Variants in DOCK3 observed in about 807,000 individuals in gnomAD.
The protein encoded by DOCK3 is dedicator of cytokinesis protein 3.
In DOCK3, 60 loss-of-function variants were observed where a neutral mutation model predicts 265.6. The ratio of observed to expected loss-of-function variants is 0.23; its 90% confidence interval spans 0.18 to 0.28. The LOEUF (loss-of-function observed/expected upper bound fraction) is 0.28, where lower values mean the gene tolerates loss of function less well. DOCK3 is among the 10% of genes least tolerant of loss of function. The pLI, the probability that DOCK3 is intolerant of heterozygous loss-of-function variation, is 1.00. For missense variants in DOCK3, 1,981 were observed against 2,594.3 expected, an observed-to-expected ratio of 0.76 and a Z score of 5.14; for synonymous variants, 881 against 938.0, an observed-to-expected ratio of 0.94 and a Z score of 1.11.
intron 1 of DOCK3, among the ~76,000 whole-genome samples, chr3:50,682,702 G>A (rs1375888222): frequency 2.6e-5 from 4 of 152,206 alleles, no homozygotes; most frequent in African/African-American, 4.8e-5. Flanking sequence ...ACTTTGGGAG[G>A]CCTAGGTGGG....
chr3:51,347,279 A>G (rs2085652064), intron 38 of DOCK3, among the ~76,000 whole-genome samples: 1 of 152,180 alleles, frequency 6.6e-6, no homozygotes, highest in African/African-American at 2.4e-5. Flanking sequence ...TTAGGCTAAC[A>G]TTTAAGTCTT....
chr3:50,678,070 ATT>A (rs755279456), intron 1 of DOCK3, among the ~76,000 whole-genome samples: 1 of 143,678 alleles, frequency 7.0e-6, no homozygotes, highest in African/African-American at 2.5e-5. Flanking sequence ...AAGGTTGTTA[ATT>A]TTTTTTTTTT....
chr3:51,089,949 C>T (rs7615291), intron 8 of DOCK3, among the ~76,000 whole-genome samples: 133,591 of 148,156 alleles, frequency 0.9, 60,367 homozygotes, highest in African/African-American at 0.95. Flanking sequence ...TCCTGGAGAA[C>T]TAAGATATTT....
chr3:50,785,365 G>A (rs1237405198), intron 2 of DOCK3, among the ~76,000 whole-genome samples: 1 of 152,174 alleles, frequency 6.6e-6, no homozygotes, highest in Non-Finnish European at 1.5e-5. Context: ...TTGAAGAGAA[G>A]TGGTAAAAGT....
chr3:50,729,218 G>A (rs1160843947), intron 1 of DOCK3, among the ~76,000 whole-genome samples: 4 of 147,846 alleles, frequency 2.7e-5, no homozygotes, highest in African/African-American at 9.8e-5. Flanking sequence ...CAGCTACTCG[G>A]GAGGCTTAAG....
chr3:50,849,796 C>G (rs1488703874), intron 3 of DOCK3, among the ~76,000 whole-genome samples: 1 of 152,134 alleles, frequency 6.6e-6, no homozygotes, highest in African/African-American at 2.4e-5. Flanking sequence ...TAAAAGCATA[C>G]TTGTCAGCTA....
chr3:51,256,130 G>A (rs1232664585), intron 22 of DOCK3, among the ~76,000 whole-genome samples: 1 of 152,166 alleles, frequency 6.6e-6, no homozygotes, highest in African/African-American at 2.4e-5. Context: ...GTTTGCCGGA[G>A]GTCCACTCCA....
At chr3:51,047,370 C>T (rs1435666267) in intron 5 of DOCK3, among the ~76,000 whole-genome samples, 2 of 151,202 alleles carry the variant, frequency 1.3e-5, no homozygotes, top group African/African-American at 4.9e-5. Flanking sequence ...CAAACCTGCA[C>T]GTTGTGCACA....
intron 3 of DOCK3, among the ~76,000 whole-genome samples, chr3:50,878,949 C>A (rs1264324770): frequency 1.3e-5 from 2 of 152,246 alleles, no homozygotes; most frequent in African/African-American, 4.8e-5. Flanking sequence ...ACTCTACAAG[C>A]CAGAAGAGAG....
At chr3:51,317,183 A>T (rs564265204) in intron 32 of DOCK3, among the ~76,000 whole-genome samples, 152 of 151,770 alleles carry the variant, frequency 1.0e-3, no homozygotes, top group African/African-American at 3.4e-3. Context: ...TTGCAACAAG[A>T]TGTCCAATTA....
At chr3:50,760,982 C>T (rs1225781969) in intron 1 of DOCK3, among the ~76,000 whole-genome samples, 2 of 151,768 alleles carry the variant, frequency 1.3e-5, no homozygotes, top group East Asian at 1.9e-4. Flanking sequence ...GGGGTTTTAC[C>T]GTGTTAGCCA....
intron 9 of DOCK3, among the ~76,000 whole-genome samples, chr3:51,126,581 C>T (rs1236768800): frequency 1.3e-5 from 2 of 152,208 alleles, no homozygotes; most frequent in Non-Finnish European, 2.9e-5. Flanking sequence ...CAAAGATGAA[C>T]TGACTTAGCA....
At chr3:50,944,877 T>C (rs2108267319) in intron 5 of DOCK3, among the ~76,000 whole-genome samples, 1 of 152,286 alleles carries the variant, frequency 6.6e-6, no homozygotes, top group African/African-American at 2.4e-5. Flanking sequence ...GGAGAATTGC[T>C]TGAACCTGGG....
chr3:50,742,511 G>A (rs1474256754), intron 1 of DOCK3, among the ~76,000 whole-genome samples: 2 of 151,104 alleles, frequency 1.3e-5, no homozygotes, highest in Non-Finnish European at 3.0e-5. Context: ...AGGAGCTGAT[G>A]GAGCTGAAAG....
intron 47 of DOCK3, 112 bp downstream of exon 47, chr3:51,360,744 A>G (rs2086674168): frequency 2.1e-6 from 3 of 1,425,820 alleles, no homozygotes; most frequent in Non-Finnish European, 2.8e-6. Context: ...CCATGCACAC[A>G]GCAAACACTT....
chr3:50,989,872 T>C (rs909420785), intron 5 of DOCK3, among the ~76,000 whole-genome samples: 2 of 152,074 alleles, frequency 1.3e-5, no homozygotes, highest in Admixed American at 6.6e-5. Context: ...GTCAGGAGGA[T>C]GGCAAAACCC....
chr3:50,698,633 T>C (rs1482621387), intron 1 of DOCK3, among the ~76,000 whole-genome samples: 1 of 150,684 alleles, frequency 6.6e-6, no homozygotes, highest in Non-Finnish European at 1.5e-5. Flanking sequence ...GAGGCTGCAC[T>C]CTTTTTCATA....
At chr3:51,130,280 A>C (rs950814557) in intron 9 of DOCK3, among the ~76,000 whole-genome samples, 3 of 152,232 alleles carry the variant, frequency 2.0e-5, no homozygotes, top group Admixed American at 2.0e-4. Context: ...AAAAGTGATG[A>C]AGGTCTCTCC....
intron 1 of DOCK3, among the ~76,000 whole-genome samples, chr3:50,705,112 T>C (rs2036316095): frequency 6.6e-6 from 1 of 151,904 alleles, no homozygotes. Flanking sequence ...TGGTTTTCTG[T>C]AGTGGTAACG....
Sources: allele counts gnomAD v4.1 joint callset (sites outside exome capture counted in the v4.1 genomes callset), GRCh38; gene constraint gnomAD v4.1.1; transcripts MANE v1.5; gene names NCBI Gene and HGNC (gene_info 2026-07-23, HGNC 2026-07-21).